The following PCDHA12 variants were observed in gnomAD, a reference collection of about 807,000 sequenced individuals.
The protein encoded by PCDHA12 is protocadherin alpha 12, also known as protocadherin alpha-12.
PCDHA12 carries 44 observed loss-of-function variants against 60.0 expected under a neutral mutation model. That is an observed-to-expected ratio of 0.73 (90% confidence interval 0.58 to 0.94). The LOEUF is 0.94. PCDHA12 is among the 40% of genes least tolerant of loss of function. The pLI is 0.00. For missense variants in PCDHA12, 1,276 were observed against 1,239.7 expected, an observed-to-expected ratio of 1.03 and a Z score of -0.44; for synonymous variants, 569 against 553.0, an observed-to-expected ratio of 1.03 and a Z score of -0.40.
chr5:141,006,384 T>C, intron 3 of PCDHA12, among the ~76,000 whole-genome samples: 2 of 152,126 alleles, frequency 1.3e-5, no homozygotes, highest in South Asian at 4.2e-4. Flanking sequence ...GCTAAGTTTT[T>C]TCTATTTTTT....
chr5:140,898,161 T>G (rs1208656854), intron 1 of PCDHA12, among the ~76,000 whole-genome samples: 1 of 152,216 alleles, frequency 6.6e-6, no homozygotes, highest in Non-Finnish European at 1.5e-5. Context: ...CTGATGGTGG[T>G]TTCTTTTGCT....
chr5:140,880,309 A>G (rs2058299906), intron 1 of PCDHA12, among the ~76,000 whole-genome samples: 1 of 152,236 alleles, frequency 6.6e-6, no homozygotes. Flanking sequence ...TGAAAGAAAC[A>G]AGTAAAAAAT....
intron 3 of PCDHA12, among the ~76,000 whole-genome samples, chr5:140,989,404 A>G (rs2097341135): frequency 6.6e-6 from 1 of 152,134 alleles, no homozygotes; most frequent in Non-Finnish European, 1.5e-5. Flanking sequence ...GAGGGTGGAG[A>G]GTCTGCACTT....
At chr5:140,964,367 T>C (rs1269937571) in intron 1 of PCDHA12, among the ~76,000 whole-genome samples, 1 of 152,178 alleles carries the variant, frequency 6.6e-6, no homozygotes, top group Non-Finnish European at 1.5e-5. Context: ...ACAAGAGTGC[T>C]GAAAGGAGAG....
intron 1 of PCDHA12, among the ~76,000 whole-genome samples, chr5:140,939,155 G>C (rs1279259680): frequency 6.6e-6 from 1 of 152,196 alleles, no homozygotes; most frequent in Non-Finnish European, 1.5e-5. Flanking sequence ...GGTCCTGGCA[G>C]ATTTGTGTCT....
intron 1 of PCDHA12, among the ~76,000 whole-genome samples, chr5:140,898,520 G>A (rs1583310662): frequency 6.6e-6 from 1 of 152,298 alleles, no homozygotes; most frequent in East Asian, 1.9e-4. Context: ...CGTTATTTCT[G>A]AGGGCTCTGT....
chr5:140,909,011 T>G (rs998704146), intron 1 of PCDHA12, among the ~76,000 whole-genome samples: 1 of 152,170 alleles, frequency 6.6e-6, no homozygotes, highest in Non-Finnish European at 1.5e-5. Flanking sequence ...AGGTAGAAGG[T>G]TCCTGAATTT....
intron 3 of PCDHA12, chr5:140,989,125 T>G (rs2097330563): frequency 6.6e-6 from 1 of 152,152 alleles, no homozygotes; most frequent in Non-Finnish European, 1.5e-5. Context: ...CTTAGAAAAA[T>G]AAGACACTTT....
At chr5:140,947,059 A>G (rs1297447274) in intron 1 of PCDHA12, among the ~76,000 whole-genome samples, 2 of 151,742 alleles carry the variant, frequency 1.3e-5, no homozygotes, top group Admixed American at 1.3e-4. Flanking sequence ...ATCATTACAC[A>G]GTGTATATAT....
In PCDHA12 at chr5:140,985,961, A is replaced by G. The variant is rs529433053; in HGVS notation, c.2515+3398A>G. ...TCACTGTGTTAGCCAGGATGGTCTCAATCTCCTGACCTCGTGATCCGCCCA... is the reference window on the plus strand; with the variant it reads ...TCACTGTGTTAGCCAGGATGGTCTCGATCTCCTGACCTCGTGATCCGCCCA... On this transcript the variant is annotated intron_variant, in intron 3 of 3. Transcript: ENST00000398631. 9.3e-3 allele frequency among the ~76,000 whole-genome samples: 1,411 copies of G among 151,982 alleles called. 12 individuals carry two copies. Among genetic ancestry groups the G allele is most frequent in the Non-Finnish European group, 0.015 (1,024 of 67,944 alleles).
At position 140,883,599 on chromosome 5, in the gene PCDHA12, G is replaced by A. The variant is rs1562791244; in HGVS notation, c.2367+5760G>A. ...TGGGCCACGGCCAGCGTGTCGGTGG[G>A]GGTGGCCGACGTGAACGACAACGCG... On this transcript the variant is annotated intron_variant, in intron 1 of 3. Coordinates refer to ENST00000398631, the MANE Select transcript of PCDHA12 (RefSeq NM_018903.4). 4 of 1,614,016 alleles carry A rather than the reference G, an allele frequency of 2.5e-6. No homozygotes were observed. Among genetic ancestry groups the A allele is most frequent in the Non-Finnish European group, 3.4e-6 (4 of 1,179,942 alleles).
rs2098416866 is a variant in PCDHA12, at chr5:141,010,297, G to C, written c.*360G>C. 3 of 1,549,050 alleles carry C rather than the reference G, an allele frequency of 1.9e-6. No individual in the cohort carries two copies. The South Asian group carries it at 3.6e-5, about 19-fold the overall frequency. On this transcript the variant is annotated 3_prime_UTR_variant, in exon 4 of 4. Transcript: ENST00000398631. ...TGTCTTGATGACACTTGCAGGGCAGGCTGAAAAGTTTTGAGATTGAGCAGC... is the reference window on the plus strand; with the variant it reads ...TGTCTTGATGACACTTGCAGGGCAGCCTGAAAAGTTTTGAGATTGAGCAGC...
chr5:140,949,012 A>G (rs1029892336), intron 1 of PCDHA12, among the ~76,000 whole-genome samples: 11 of 151,632 alleles, frequency 7.3e-5, no homozygotes, highest in African/African-American at 2.7e-4. Flanking sequence ...TTTATATGTG[A>G]TGTTTTTATT....
intron 3 of PCDHA12, among the ~76,000 whole-genome samples, chr5:140,989,792 C>T (rs1324674581): frequency 6.6e-6 from 1 of 152,142 alleles, no homozygotes; most frequent in African/African-American, 2.4e-5. Flanking sequence ...CTAGAGGCCC[C>T]CAGGAAAGGG....
At chr5:140,887,906 T>C (rs2061622663) in intron 1 of PCDHA12, among the ~76,000 whole-genome samples, 1 of 152,198 alleles carries the variant, frequency 6.6e-6, no homozygotes, top group Admixed American at 6.5e-5. Context: ...TCCTAAACAG[T>C]GTATTCTTCA....
At chr5:140,894,317 A>G (rs2064424513) in intron 1 of PCDHA12, among the ~76,000 whole-genome samples, 1 of 152,034 alleles carries the variant, frequency 6.6e-6, no homozygotes, top group Non-Finnish European at 1.5e-5. Flanking sequence ...TTCTTAAATT[A>G]TAGATTTTAG....
At position 140,877,585 on chromosome 5, in the gene PCDHA12, T is replaced by A. The variant is rs2057227188; in HGVS notation, c.2113T>A (p.Cys705Ser). The A allele has an allele frequency of 6.2e-7, 1 of 1,613,836 alleles. No individual in the cohort carries two copies. Among genetic ancestry groups the A allele is most frequent in the Non-Finnish European group, 8.5e-7 (1 of 1,179,900 alleles). The change falls in exon 1 of 4, where the codon TGT becomes AGT. Residue 705 changes from cysteine to serine, a missense_variant. Cys to Ser is a moderately radical substitution (Grantham distance 112, BLOSUM62 -1). Transcript: ENST00000398631. The stretch of plus-strand genomic sequence containing the variant: ...TAACGTGTACCTCATCATCGCCATC[T>A]GTGCGGTGTCCAGCCTGCTGGTGCT... Reference protein sequence around the residue: ...DINVYLIIAICAVSSLLVLTL... With the variant: ...DINVYLIIAISAVSSLLVLTL...
chr5:140,962,370 T>G (rs1554225991), intron 1 of PCDHA12, among the ~76,000 whole-genome samples: 1 of 152,214 alleles, frequency 6.6e-6, no homozygotes, highest in South Asian at 2.1e-4. Flanking sequence ...GCTAGTTTGA[T>G]TTTATCTGTT....
intron 1 of PCDHA12, among the ~76,000 whole-genome samples, chr5:140,959,390 A>G (rs1554224055): frequency 6.6e-6 from 1 of 152,146 alleles, no homozygotes; most frequent in African/African-American, 2.4e-5. Context: ...AAAAGTCACA[A>G]ATTAAGATAA....
Sources: gnomAD v4.1 joint callset for allele counts (sites outside exome capture counted in the v4.1 genomes callset) on GRCh38, gnomAD v4.1.1 for gene constraint, MANE v1.5 for transcripts, NCBI Gene and HGNC (gene_info 2026-07-23, HGNC 2026-07-21) for gene names.